BDP1: variants seen among roughly 807,000 people sequenced by gnomAD.
The protein encoded by BDP1 is BDP1 general transcription factor IIIB subunit.
A neutral mutation model predicts 266.6 loss-of-function variants in BDP1; 169 were observed. The observed-to-expected ratio is 0.63, with a 90% CI of 0.56 to 0.72. The LOEUF (loss-of-function observed/expected upper bound fraction) is 0.72. Among genes scored for constraint, BDP1 ranks in the 30% least tolerant of loss-of-function variants. The probability of loss-of-function intolerance (pLI) is 0.00; values close to 1 mark genes in which losing one functional copy is unlikely to be tolerated. For missense variants in BDP1, 3,015 were observed against 3,053.8 expected, an observed-to-expected ratio of 0.99 and a Z score of 0.30; for synonymous variants, 1,090 against 1,022.4, an observed-to-expected ratio of 1.07 and a Z score of -1.26.
In BDP1 at chr5:71,517,350, A is replaced by G. The variant is rs1409116050; in HGVS notation, c.4889A>G (p.Glu1630Gly). 6.3e-7 allele frequency: 1 copy of G among 1,597,688 alleles called. No individual in the cohort carries two copies. ...VSNSQIETEI[E>G]VPSSAVPEHR... is the part of the protein sequence containing the mutation. ...AATTCTCAAATTGAAACTGAAATTG[A>G]AGTTCCATCGTCCGCAGTTCCAGAA... is the stretch of plus-strand genomic sequence containing the variant. Residue 1630 changes from glutamate (E) to glycine (G), a missense_variant, in exon 22 of 39, where the codon GAA becomes GGA. Coordinates refer to ENST00000358731, the MANE Select transcript of BDP1 (RefSeq NM_018429.3).
At chr5:71,462,031 T>C in intron 3 of BDP1, 105 bp downstream of exon 3, 2 of 670,790 alleles carry the variant, frequency 3.0e-6, no homozygotes, top group South Asian at 3.3e-5. Context: ...GGTGCAATCT[T>C]GGCTCACTGC....
intron 9 of BDP1, among the ~76,000 whole-genome samples, chr5:71,487,613 G>A (rs932142701): frequency 6.6e-6 from 1 of 152,174 alleles, no homozygotes; most frequent in Admixed American, 6.5e-5. Context: ...AGGACTCACA[G>A]TGTGTGTAGT....
intron 1 of BDP1, among the ~76,000 whole-genome samples, chr5:71,457,219 AT>A (rs549669254): frequency 9.6e-4 from 133 of 138,836 alleles, no homozygotes; most frequent in East Asian, 2.2e-3. Flanking sequence ...AGGATATTTA[AT>A]TTTTTTTTTT....
At position 71,486,813 on chromosome 5, in the gene BDP1, A is replaced by C. The variant is rs186323803; in HGVS notation, c.1213+186A>C. Among the ~76,000 whole-genome samples, 192 of 152,274 alleles carry C rather than the reference A, an allele frequency of 1.3e-3. 1 individual carries two copies. Among genetic ancestry groups the C allele is most frequent in the African/African-American group, 4.0e-3 (168 of 41,550 alleles). On this transcript the variant is annotated intron_variant, in intron 9 of 38. Coordinates refer to ENST00000358731, the MANE Select transcript of BDP1 (RefSeq NM_018429.3). ...GTCCAAAACAATAGCTTTCTTTTAA[A>C]ATTTTTAACTGGCGTGATTGGGTTA...
At position 71,539,090 on chromosome 5, in the gene BDP1, C is replaced by G; in HGVS notation, c.5929+12C>G. On this transcript the variant is annotated intron_variant, in intron 27 of 38. Transcript: ENST00000358731. Reference sequence around the variant, plus strand: ...CCAAGATGAACCAGGTAACTGTTATCAAGGAAACTGCTAAGACTACCTTGA... The same window carrying G: ...CCAAGATGAACCAGGTAACTGTTATGAAGGAAACTGCTAAGACTACCTTGA... 1 of 1,589,808 alleles carries G rather than the reference C, an allele frequency of 6.3e-7. No individual in the cohort carries two copies. Among genetic ancestry groups the G allele is most frequent in the Non-Finnish European group, 8.6e-7 (1 of 1,162,766 alleles).
intron 10 of BDP1, among the ~76,000 whole-genome samples, chr5:71,489,994 A>G (rs939021228): frequency 3.9e-5 from 6 of 152,214 alleles, no homozygotes; most frequent in Admixed American, 6.5e-5. Context: ...ATGTCTGTCA[A>G]TAAAGCACAG....
chr5:71,463,284 G>A (rs1761688432), intron 3 of BDP1, among the ~76,000 whole-genome samples: 1 of 152,182 alleles, frequency 6.6e-6, no homozygotes, highest in African/African-American at 2.4e-5. Context: ...TGGGGTTTCT[G>A]AGGCAGGTTT....
intron 18 of BDP1, 91 bp from the exon 19 acceptor site, chr5:71,513,094 T>G: frequency 1.4e-6 from 1 of 738,122 alleles, no homozygotes; most frequent in Non-Finnish European, 2.2e-6. Flanking sequence ...AAAAATTAAA[T>G]GTTTACCGCC....
At position 71,509,388 on chromosome 5, in the gene BDP1, G is replaced by A. The variant is rs1764763355; in HGVS notation, c.2373-77G>A. 2.8e-6 allele frequency: 4 copies of A among 1,429,430 alleles called. No homozygotes were observed. In the Admixed American group the frequency reaches 1.0e-4, roughly 37 times the overall value. 88.5% of individuals were successfully genotyped at this position (1,429,430 alleles called of 1,614,324 possible). A position where few individuals can be genotyped will look rare whatever the true frequency, so the allele number is the denominator to read the frequency against. On this transcript the variant is annotated intron_variant, in intron 16 of 38. Coordinates refer to ENST00000358731, the MANE Select transcript of BDP1 (RefSeq NM_018429.3). Reference sequence around the variant, plus strand: ...TTTGAGAGTTTCTGGTGTTTCTGTAGTGATTTCTCAAACATCATCTCTTCA... The same window carrying A: ...TTTGAGAGTTTCTGGTGTTTCTGTAATGATTTCTCAAACATCATCTCTTCA...
intron 4 of BDP1, among the ~76,000 whole-genome samples, chr5:71,464,799 G>T (rs527884321): frequency 1.2e-4 from 17 of 143,238 alleles, no homozygotes; most frequent in Non-Finnish European, 2.4e-4. Flanking sequence ...GCTCACTGCA[G>T]CCTCTGCCTC....
At chr5:71,529,840 C>A (rs1009774557) in intron 25 of BDP1, among the ~76,000 whole-genome samples, 12 of 152,002 alleles carry the variant, frequency 7.9e-5, no homozygotes, top group Non-Finnish European at 1.5e-5. Flanking sequence ...TATGAAATGT[C>A]CAAAATAAGG....
intron 3 of BDP1, 79 bp from the exon 4 acceptor site, chr5:71,463,978 AT>A: frequency 1.2e-6 from 1 of 818,800 alleles, no homozygotes; most frequent in Non-Finnish European, 1.9e-6. Context: ...AGTTAGAATA[AT>A]TTTCTTCTTG....
At chr5:71,468,607 CTTT>C (rs11376926) in intron 6 of BDP1, among the ~76,000 whole-genome samples, 3 of 134,786 alleles carry the variant, frequency 2.2e-5, no homozygotes, top group Non-Finnish European at 3.1e-5. Context: ...ACAATATTTC[CTTT>C]TTTTTTTTTT....
rs1315920205 is a variant in BDP1 at position 71,486,436 on chromosome 5, G to C, written c.1070-48G>C. On this transcript the variant is annotated intron_variant, in intron 8 of 38. Transcript: ENST00000358731. The stretch of plus-strand genomic sequence containing the variant: ...TATGATACTTTAAAAGCTAGAAGTA[G>C]CTTTTAAAAATAAAAACTTGAAAGT... The C allele has an allele frequency of 2.0e-6, 3 of 1,485,708 alleles. No homozygotes were observed. The African/African-American group carries it at 4.4e-5, about 22-fold the overall frequency. 92.0% of individuals were successfully genotyped at this position (1,485,708 alleles called of 1,614,324 possible). A position where few individuals can be genotyped will look rare whatever the true frequency, so the allele number is the denominator to read the frequency against.
In BDP1 at chr5:71,495,391, C is replaced by A. The variant is rs1484786133; in HGVS notation, c.1782C>A (p.Asp594Glu). ...EGSCIEERNVDLKNNSLEIDQ... is the reference protein window; with the variant it reads ...EGSCIEERNVELKNNSLEIDQ... ...GTTGTATAGAAGAAAGAAATGTTGA[C>A]CTAAAAAATAATTCACTGTAAGTAT... The change falls in exon 12 of 39, where the codon GAC becomes GAA. Residue 594 changes from aspartate (D) to glutamate (E), a missense_variant. Physicochemically the swap from Asp to Glu is conservative, Grantham distance 45 (BLOSUM62 2). This residue lies in a region of BDP1 where 2,383 missense variants were observed against 2,404.9 expected (regional missense o/e 0.99). Coordinates refer to ENST00000358731, the MANE Select transcript of BDP1 (RefSeq NM_018429.3). 1 of 1,574,496 alleles carries A rather than the reference C, an allele frequency of 6.4e-7. No individual in the cohort carries two copies. Among genetic ancestry groups the A allele is most frequent in the South Asian group, 1.2e-5 (1 of 82,212 alleles).
chr5:71,512,794 C>T (rs1340604210), intron 18 of BDP1, among the ~76,000 whole-genome samples: 2 of 152,150 alleles, frequency 1.3e-5, no homozygotes, highest in South Asian at 4.2e-4. Flanking sequence ...GTGGCTCACA[C>T]CTGTAATCCT....
chr5:71,506,424 C>A (rs1364212965), intron 16 of BDP1, among the ~76,000 whole-genome samples: 3 of 152,042 alleles, frequency 2.0e-5, no homozygotes, highest in African/African-American at 4.8e-5. Flanking sequence ...CATATGTTGG[C>A]CTGTTCAAGA....
chr5:71,521,942 C>T (rs1765516693), intron 22 of BDP1, among the ~76,000 whole-genome samples: 2 of 148,204 alleles, frequency 1.3e-5, no homozygotes, highest in African/African-American at 4.9e-5. Flanking sequence ...ATTATGAAAT[C>T]CATCTTCAGC....
In BDP1 at chr5:71,542,208, T is replaced by A. The variant is rs760250394; in HGVS notation, c.6355T>A (p.Tyr2119Asn). The change falls in exon 30 of 39, where the codon TAT becomes AAT. Residue 2119 changes from tyrosine (Y) to asparagine (N), a missense_variant. Tyr to Asn is a moderately radical substitution (Grantham distance 143). Around this residue, in one of 3 missense-constraint regions of BDP1, gnomAD observed 629 missense variants for 632.5 expected, o/e 0.99. Coordinates refer to ENST00000358731, the MANE Select transcript of BDP1 (RefSeq NM_018429.3). ...TTTAGGGACCAACAGGCTTGATGATTATCAGGAAGTTTCCAGTTTGTGTGT... is the reference window on the plus strand; with the variant it reads ...TTTAGGGACCAACAGGCTTGATGATAATCAGGAAGTTTCCAGTTTGTGTGT... ...KTLGTNRLDD[Y>N]QEVSSLCVTK... is the part of the protein sequence containing the mutation. 7 of 1,613,342 alleles carry A rather than the reference T, an allele frequency of 4.3e-6. 2 individuals carry two copies. The South Asian group carries it at 7.7e-5, about 18-fold the overall frequency.
Sources: allele counts gnomAD v4.1 joint callset (sites outside exome capture counted in the v4.1 genomes callset), GRCh38; gene constraint gnomAD v4.1.1; regional missense constraint gnomAD v4.1.1; transcripts MANE v1.5; gene names NCBI Gene and HGNC (gene_info 2026-07-23, HGNC 2026-07-21).